Variants in GPC5 observed in about 807,000 individuals in gnomAD.
GPC5 encodes the protein glypican-5.
Under a neutral mutation model 53.9 loss-of-function variants are expected in GPC5, and 47 were observed. The ratio of observed to expected loss-of-function variants is 0.87; its 90% CI spans 0.69 to 1.11. The LOEUF is 1.11. GPC5 is among the 50% of genes most tolerant of loss of function. The probability of loss-of-function intolerance (pLI) is 0.00; values close to 1 mark genes in which losing one functional copy is unlikely to be tolerated. For synonymous variants in GPC5, 286 were observed against 263.3 expected (o/e 1.09, Z -0.84); for missense variants, 748 against 713.1 (o/e 1.05, Z -0.56).
intron 2 of GPC5, among the ~76,000 whole-genome samples, chr13:91,567,064 A>G (rs2031567652): frequency 6.6e-6 from 1 of 152,050 alleles, no homozygotes; most frequent in Non-Finnish European, 1.5e-5. Flanking sequence ...GGCTCCCATC[A>G]TCATGCTTTT....
chr13:92,283,417 A>T (rs927792555), intron 7 of GPC5, among the ~76,000 whole-genome samples: 7 of 152,174 alleles, frequency 4.6e-5, no homozygotes, highest in Non-Finnish European at 1.0e-4. Context: ...AGAACTCTCC[A>T]CCCCAAATCA....
chr13:91,816,687 T>A (rs1177858617), intron 5 of GPC5, among the ~76,000 whole-genome samples: 1 of 152,212 alleles, frequency 6.6e-6, no homozygotes, highest in Non-Finnish European at 1.5e-5. Context: ...GAAAGCTACA[T>A]AGAAGACGCT....
intron 7 of GPC5, among the ~76,000 whole-genome samples, chr13:92,321,573 A>G (rs1015837269): frequency 6.6e-6 from 1 of 152,138 alleles, no homozygotes; most frequent in African/African-American, 2.4e-5. Flanking sequence ...ACTGCACTTC[A>G]GCCTGGGACA....
chr13:91,719,241 C>G (rs570087937), intron 3 of GPC5, among the ~76,000 whole-genome samples: 2 of 152,224 alleles, frequency 1.3e-5, no homozygotes, highest in African/African-American at 4.8e-5. Context: ...AGTCAGCATC[C>G]TGCTGACTGC....
chr13:92,724,745 TA>T lies in GPC5; in HGVS notation c.1562-141534del, dbSNP rs562630725. On this transcript the variant is annotated intron_variant, in intron 7 of 7. Coordinates refer to ENST00000377067, the MANE Select transcript of GPC5 (RefSeq NM_004466.6). ...AAAATGGGGAATTGTTCAATGAGCA[TA>T]AAGTTTCAGATATGCAAAATGAGCA... Among the ~76,000 whole-genome samples, 10 of 151,656 alleles carry T rather than the reference TA, an allele frequency of 6.6e-5. No individual in the cohort carries two copies. In the East Asian group the frequency reaches 1.9e-3, roughly 29 times the overall value.
At chr13:91,641,963 A>C (rs2034441323) in intron 2 of GPC5, among the ~76,000 whole-genome samples, 1 of 152,238 alleles carries the variant, frequency 6.6e-6, no homozygotes, top group Non-Finnish European at 1.5e-5. Context: ...AAAGTCATGG[A>C]AACAACATGA....
intron 1 of GPC5, among the ~76,000 whole-genome samples, chr13:91,422,321 G>A (rs760585245): frequency 7.2e-5 from 11 of 152,092 alleles, no homozygotes; most frequent in Admixed American, 1.3e-4. Flanking sequence ...CTGAATACCC[G>A]AGACTAGGTA....
In GPC5 at chr13:91,936,319, G is replaced by T. The variant is rs570933923; in HGVS notation, c.1401+28262G>T. ...TCCTCTTCATTCAGGTAGTGGGTAA[G>T]GAATGGGTAAGCTGAATCACACAGT... is the stretch of plus-strand genomic sequence containing the variant. On this transcript the variant is annotated intron_variant, in intron 6 of 7. Coordinates refer to ENST00000377067, the MANE Select transcript of GPC5 (RefSeq NM_004466.6). Among the ~76,000 whole-genome samples the T allele has an allele frequency of 4.6e-5, 7 of 152,128 alleles. No individual in the cohort carries two copies. In the East Asian group the frequency reaches 1.4e-3, roughly 29 times the overall value.
chr13:91,864,500 G>A lies in GPC5; in HGVS notation c.1281-43437G>A, dbSNP rs147874465. Among the ~76,000 whole-genome samples the A allele has an allele frequency of 3.9e-3, 589 of 152,214 alleles. 15 individuals are homozygous for A. The highest frequency in any genetic ancestry group is 6.3e-4 in the Non-Finnish European group (43 of 68,002). On this transcript the variant is annotated intron_variant, in intron 5 of 7. Coordinates refer to ENST00000377067, the MANE Select transcript of GPC5 (RefSeq NM_004466.6). ...ATATTACATGTAAATAGTATATATT[G>A]TATAGAACTGGACCCATGTAGCAAC...
At position 91,438,788 on chromosome 13, in the gene GPC5, T is replaced by C. The variant is rs1387563074; in HGVS notation, c.164-9973T>C. On this transcript the variant is annotated intron_variant, in intron 1 of 7. Coordinates refer to ENST00000377067, the MANE Select transcript of GPC5 (RefSeq NM_004466.6). ...ATCTACAGAGGCAGGCAGGGCTGCT[T>C]GAGCTGCAGTGGGCTCCACCCAGTT... Among the ~76,000 whole-genome samples, 10 of 152,336 alleles carry C rather than the reference T, an allele frequency of 6.6e-5. No homozygotes were observed. The South Asian group carries it at 1.7e-3, about 25-fold the overall frequency.
At chr13:91,759,973 G>A (rs2037375041) in intron 5 of GPC5, among the ~76,000 whole-genome samples, 1 of 152,058 alleles carries the variant, frequency 6.6e-6, no homozygotes, top group Non-Finnish European at 1.5e-5. Context: ...AATTGTTAAT[G>A]TGCATAAATT....
At chr13:91,419,829 C>G (rs1024194391) in intron 1 of GPC5, among the ~76,000 whole-genome samples, 5 of 152,266 alleles carry the variant, frequency 3.3e-5, no homozygotes, top group Non-Finnish European at 7.4e-5. Flanking sequence ...CTATGGAATG[C>G]TTTTAGCAGG....
intron 7 of GPC5, among the ~76,000 whole-genome samples, chr13:92,267,292 T>C (rs528300742): frequency 1.6e-4 from 25 of 152,230 alleles, no homozygotes; most frequent in African/African-American, 6.0e-4. Flanking sequence ...CTCTTTATTA[T>C]CTTCCAGTTT....
At chr13:91,926,962 A>C (rs1039620991) in intron 6 of GPC5, among the ~76,000 whole-genome samples, 5 of 152,180 alleles carry the variant, frequency 3.3e-5, no homozygotes, top group African/African-American at 7.2e-5. Context: ...TGAAAACTTT[A>C]TGTTAGAATT....
intron 2 of GPC5, among the ~76,000 whole-genome samples, chr13:91,596,432 T>C (rs926548702): frequency 3.9e-5 from 6 of 152,218 alleles, no homozygotes; most frequent in East Asian, 1.9e-4. Context: ...TTAATGTCTT[T>C]CCTGACAATT....
chr13:92,237,175 CTA>C (rs1183796168), intron 7 of GPC5, among the ~76,000 whole-genome samples: 13 of 152,008 alleles, frequency 8.6e-5, no homozygotes, highest in Non-Finnish European at 1.8e-4. Flanking sequence ...TTGTCTTTTG[CTA>C]ATAATAACAA....
At chr13:92,301,711 C>T (rs950564118) in intron 7 of GPC5, among the ~76,000 whole-genome samples, 1 of 151,736 alleles carries the variant, frequency 6.6e-6, no homozygotes, top group East Asian at 1.9e-4. Flanking sequence ...CATGTTCAAA[C>T]CCTGTCTGTA....
At chr13:91,434,501 C>A (rs1326210370) in intron 1 of GPC5, among the ~76,000 whole-genome samples, 1 of 151,910 alleles carries the variant, frequency 6.6e-6, no homozygotes, top group Non-Finnish European at 1.5e-5. Flanking sequence ...TGTCAAAGAT[C>A]AGATGGTTGT....
intron 7 of GPC5, among the ~76,000 whole-genome samples, chr13:92,157,291 G>C (rs1256085582): frequency 6.6e-6 from 1 of 152,178 alleles, no homozygotes; most frequent in Non-Finnish European, 1.5e-5. Context: ...GGGAAAGAGA[G>C]AGAACTCTCC....
Sources: gnomAD v4.1 joint callset for allele counts (sites outside exome capture counted in the v4.1 genomes callset) on GRCh38, gnomAD v4.1.1 for gene constraint, MANE v1.5 for transcripts, NCBI Gene and HGNC (gene_info 2026-07-23, HGNC 2026-07-21) for gene names.